KDM4C: variants seen among roughly 807,000 people sequenced by gnomAD.
The protein encoded by KDM4C is lysine demethylase 4C, also known as lysine-specific demethylase 4C.
KDM4C carries 81 observed loss-of-function variants against 129.3 expected under a neutral mutation model. The ratio of observed to expected loss-of-function variants is 0.63; its 90% CI spans 0.52 to 0.75. The LOEUF (loss-of-function observed/expected upper bound fraction) is 0.75. Among genes scored for constraint, KDM4C ranks in the 30% least tolerant of loss-of-function variants. The probability of loss-of-function intolerance (pLI) is 0.00; values close to 1 mark genes in which losing one functional copy is unlikely to be tolerated. For synonymous variants in KDM4C, 573 were observed against 456.1 expected (o/e 1.26, Z -3.26); for missense variants, 1,457 against 1,304.0 (o/e 1.12, Z -1.81).
chr9:6,862,847 A>AAAAAAC (rs1554614013), intron 5 of KDM4C, among the ~76,000 whole-genome samples: 2 of 151,524 alleles, frequency 1.3e-5, no homozygotes, highest in Non-Finnish European at 3.0e-5. Flanking sequence ...AACAAAAAAC[A>AAAAAAC]AAAAAAAATT....
intron 12 of KDM4C, among the ~76,000 whole-genome samples, chr9:7,008,303 C>T (rs753329142): frequency 6.6e-6 from 1 of 152,152 alleles, no homozygotes; most frequent in African/African-American, 2.4e-5. Context: ...GCTCCAGTGT[C>T]AGGCCATCTC....
chr9:7,040,949 C>T (rs1828492989), intron 15 of KDM4C, among the ~76,000 whole-genome samples: 1 of 151,250 alleles, frequency 6.6e-6, no homozygotes, highest in Non-Finnish European at 1.5e-5. Flanking sequence ...AATTTTCTGT[C>T]AATATCTCTT....
intron 19 of KDM4C, among the ~76,000 whole-genome samples, chr9:7,158,928 A>T (rs942430237): frequency 1.3e-5 from 2 of 152,082 alleles, no homozygotes; most frequent in African/African-American, 4.8e-5. Flanking sequence ...TCTGTCTAAT[A>T]TTGACAGTGG....
chr9:6,885,620 C>CA (rs35373004), intron 6 of KDM4C, among the ~76,000 whole-genome samples: 6,601 of 135,768 alleles, frequency 0.049, 211 homozygotes, highest in Non-Finnish European at 0.077. Flanking sequence ...TTAAAAAAGA[C>CA]AAAAAAAAAA....
chr9:7,081,715 G>C (rs556857544), intron 17 of KDM4C, among the ~76,000 whole-genome samples: 1 of 152,318 alleles, frequency 6.6e-6, no homozygotes, highest in Non-Finnish European at 1.5e-5. Context: ...TAATTACGCT[G>C]CATGAGGAAA....
chr9:7,018,280 C>T (rs1824043286), intron 15 of KDM4C, among the ~76,000 whole-genome samples: 1 of 152,186 alleles, frequency 6.6e-6, no homozygotes, highest in Non-Finnish European at 1.5e-5. Flanking sequence ...GTACAAAAGA[C>T]ATAACAGCCT....
chr9:7,138,349 T>C (rs10976062), intron 19 of KDM4C, among the ~76,000 whole-genome samples: 23,715 of 152,292 alleles, frequency 0.16, 2,048 homozygotes, highest in South Asian at 0.18. Flanking sequence ...AAGTCTTCTG[T>C]GCTTTAGATG....
chr9:6,732,391 AAAAAAAAAAAGAAT>A (rs1444704794), intron 1 of KDM4C, among the ~76,000 whole-genome samples: 4,140 of 127,110 alleles, frequency 0.033, 351 homozygotes, highest in African/African-American at 0.078. Flanking sequence ...AAAAAAAAAA[AAAAAAAAAAAGAAT>A]GAGGCCGGAA....
intron 8 of KDM4C, among the ~76,000 whole-genome samples, chr9:6,967,421 T>TAAAAAAAAA (rs35054106): frequency 8.0e-6 from 1 of 124,994 alleles, no homozygotes; most frequent in Non-Finnish European, 1.7e-5. Context: ...AAGCTTCCAC[T>TAAAAAAAAA]AAAAAAAAAA....
chr9:6,931,024 T>C (rs1589164051), intron 8 of KDM4C, among the ~76,000 whole-genome samples: 1 of 152,164 alleles, frequency 6.6e-6, no homozygotes, highest in Non-Finnish European at 1.5e-5. Context: ...CTGTGACTGA[T>C]GTCTTCTTTT....
rs550249815 is a variant in KDM4C, at chr9:7,000,877, A to C, written c.1786+10353A>C. Among the ~76,000 whole-genome samples the C allele has an allele frequency of 3.3e-5, 5 of 152,336 alleles. No individual in the cohort carries two copies. In the East Asian group the frequency reaches 9.6e-4, roughly 29 times the overall value. On this transcript the variant is annotated intron_variant, in intron 12 of 21. Coordinates refer to ENST00000381309, the MANE Select transcript of KDM4C (RefSeq NM_015061.6). ...TTAGCTCTGAAGATGTAGAATCAGCATGGAAAGTTTATGTATATTTCAAAT... is the reference window on the plus strand; with the variant it reads ...TTAGCTCTGAAGATGTAGAATCAGCCTGGAAAGTTTATGTATATTTCAAAT...
intron 17 of KDM4C, among the ~76,000 whole-genome samples, chr9:7,100,181 G>C (rs1423068900): frequency 1.3e-5 from 2 of 152,154 alleles, no homozygotes; most frequent in Admixed American, 1.3e-4. Context: ...CAAATTGCTT[G>C]AGCTCAGGAT....
intron 5 of KDM4C, among the ~76,000 whole-genome samples, chr9:6,856,534 G>C (rs75521550): frequency 0.01 from 1,331 of 131,892 alleles, 20 homozygotes; most frequent in African/African-American, 0.038. Flanking sequence ...ATCTCTCTCT[G>C]TGTGCGTGTG....
Position 6,784,616 on chromosome 9 carries a change from C to T in KDM4C, c.-17-8356C>T, listed in dbSNP as rs114167020. ...AAGGCACTCTGTTCCAGAACTATCT[C>T]CTTGAGTCTGCTCTTCCATTCCTAC... On this transcript the variant is annotated intron_variant, in intron 1 of 21. Transcript: ENST00000381309. Among the ~76,000 whole-genome samples the T allele has an allele frequency of 5.2e-3, 793 of 152,342 alleles. 7 individuals are homozygous for T. Among genetic ancestry groups the T allele is most frequent in the African/African-American group, 0.018 (753 of 41,578 alleles).
intron 1 of KDM4C, among the ~76,000 whole-genome samples, chr9:6,725,928 TTTA>T (rs1247341127): frequency 5.6e-5 from 8 of 143,006 alleles, no homozygotes; most frequent in African/African-American, 2.1e-4. Flanking sequence ...CTTTTCTTTC[TTTA>T]TTTTTTTTTT....
rs965247790 is a variant in KDM4C, at chr9:6,949,596, C to T, written c.922-31329C>T. On this transcript the variant is annotated intron_variant, in intron 8 of 21. Coordinates refer to ENST00000381309, the MANE Select transcript of KDM4C (RefSeq NM_015061.6). ...GACTCCATCTGCAATCCCGGCACCT[C>T]GGGAGGCCGAGGCTGGCAGATCACT... is the stretch of plus-strand genomic sequence containing the variant. Among the ~76,000 whole-genome samples the T allele has an allele frequency of 1.2e-4, 19 of 152,200 alleles. No homozygotes were observed. The East Asian group carries it at 2.7e-3, about 22-fold the overall frequency.
intron 12 of KDM4C, among the ~76,000 whole-genome samples, chr9:7,007,721 A>G (rs373816407): frequency 1.3e-5 from 2 of 152,212 alleles, no homozygotes; most frequent in African/African-American, 2.4e-5. Context: ...ACCTGAAAGA[A>G]GATTCTTTTA....
chr9:6,971,883 C>G (rs757850984), intron 8 of KDM4C, among the ~76,000 whole-genome samples: 1 of 152,098 alleles, frequency 6.6e-6, no homozygotes, highest in Non-Finnish European at 1.5e-5. Flanking sequence ...TCATTTTTGA[C>G]TTGTTTCTAA....
intron 1 of KDM4C, among the ~76,000 whole-genome samples, chr9:6,745,521 C>G (rs572394453): frequency 7.1e-4 from 98 of 138,876 alleles, no homozygotes; most frequent in African/African-American, 2.6e-3. Context: ...TGCTGTAGCT[C>G]AGGATCACAG....
Sources: gnomAD v4.1 joint callset for allele counts (sites outside exome capture counted in the v4.1 genomes callset) on GRCh38, gnomAD v4.1.1 for gene constraint, MANE v1.5 for transcripts, NCBI Gene and HGNC (gene_info 2026-07-23, HGNC 2026-07-21) for gene names.